VPS13C: variants seen among roughly 807,000 people sequenced by gnomAD.
VPS13C encodes the protein intermembrane lipid transfer protein VPS13C.
Under a neutral mutation model 456.8 loss-of-function variants are expected in VPS13C, and 358 were observed. That is an observed-to-expected ratio of 0.78 (90% CI 0.72 to 0.86). The LOEUF is 0.86. VPS13C is among the 40% of genes least tolerant of loss of function. The pLI is 0.00. For synonymous variants in VPS13C, 1,578 were observed against 1,486.7 expected (o/e 1.06, Z -1.41); for missense variants, 4,818 against 4,385.4 (o/e 1.10, Z -2.79).
chr15:62,022,602 C>A (rs865851322), intron 8 of VPS13C, among the ~76,000 whole-genome samples: 7 of 151,810 alleles, frequency 4.6e-5, no homozygotes, highest in Non-Finnish European at 5.9e-5. Flanking sequence ...TTTTGACAAT[C>A]TACAAATGTG....
rs1180158172 is a variant in VPS13C, at chr15:61,961,648, G to T, written c.3849C>A (p.Tyr1283Ter). Residue 1283 changes from tyrosine (Y) to a stop codon, truncating the protein, a stop_gained, in exon 35 of 85, where the codon TAC (tyrosine) becomes TAA (stop). Coordinates refer to ENST00000644861, the MANE Select transcript of VPS13C (RefSeq NM_020821.3). LOFTEE classifies it high-confidence loss of function. ...TTCTATCAATTACTGGAGGATTTAA[G>T]TAGTCTTCATCAGACACCAGACTGA... ...NQFSLVSDED[Y>*]LNPPVIDRMD... is the part of the protein sequence containing the mutation. The T allele has an allele frequency of 1.9e-6, 3 of 1,613,706 alleles. No individual in the cohort carries two copies. Among genetic ancestry groups the T allele is most frequent in the Non-Finnish European group, 2.5e-6 (3 of 1,179,776 alleles).
rs954584712 is a variant in VPS13C at position 61,962,473 on chromosome 15, C to T, written c.3501G>A (p.Glu1167=). The T allele has an allele frequency of 6.8e-6, 11 of 1,611,806 alleles. No homozygotes were observed. In the African/African-American group the frequency reaches 1.3e-4, roughly 20 times the overall value. ...TGGACATGTCAGTATACAAATCCCC[C>T]TCAGTAGCATCTGGATACAAATCCA... ...FNLDLYPDAT[E]GDLYTDMSKV... is the part of the protein sequence containing the mutation. The change falls in exon 34 of 85, where the codon GAG becomes GAA. Residue 1167 remains glutamate, a synonymous_variant. Transcript: ENST00000644861.
chr15:61,854,463 T>A lies in VPS13C; in HGVS notation c.11256A>T (p.Pro3752=). 6.2e-7 allele frequency: 1 copy of A among 1,614,126 alleles called. No homozygotes were observed. Among genetic ancestry groups the A allele is most frequent in the Non-Finnish European group, 8.5e-7 (1 of 1,179,946 alleles). The change falls in exon 85 of 85, where the codon CCA becomes CCT. Residue 3752 remains proline (P), a synonymous_variant. Transcript: ENST00000644861. ...SSVRLLRPQL[P]S is the part of the protein sequence containing the mutation. ...GAGCCCCTGAGGTCTGTGATTAAGA[T>A]GGCAATTGGGGTCTGAGAAGTCTCA...
intron 50 of VPS13C, 149 bp from the exon 51 acceptor site, chr15:61,929,897 A>T (rs2043998320): frequency 1.3e-6 from 1 of 789,864 alleles, no homozygotes; most frequent in Non-Finnish European, 1.9e-6. Context: ...AATCTAATTT[A>T]TCCATTAGTA....
In VPS13C at chr15:61,964,856, G is replaced by A; in HGVS notation, c.3057C>T (p.Ala1019=). The A allele has an allele frequency of 6.3e-7, 1 of 1,597,914 alleles. No individual in the cohort carries two copies. The highest frequency in any genetic ancestry group is 8.5e-7 in the Non-Finnish European group (1 of 1,174,964). The change falls in exon 31 of 85, where the codon GCC becomes GCT. Residue 1019 remains alanine, a synonymous_variant. Transcript: ENST00000644861. ...GCAGCAACAGATTTAAAGATGAAAA[G>A]GCCACCTAAAAATGTTTTAAAGAGA... is the stretch of plus-strand genomic sequence containing the variant. ...FGKTEQTVKV[A]FSSLNLLLQT... is the part of the protein sequence containing the mutation.
At chr15:61,998,431 T>C (rs936480672) in intron 16 of VPS13C, among the ~76,000 whole-genome samples, 1 of 152,190 alleles carries the variant, frequency 6.6e-6, no homozygotes, top group Non-Finnish European at 1.5e-5. Flanking sequence ...CAAATGATAA[T>C]GACAATGAAA....
At chr15:62,035,825 A>C (rs2047977921) in intron 3 of VPS13C, among the ~76,000 whole-genome samples, 2 of 151,982 alleles carry the variant, frequency 1.3e-5, no homozygotes, top group South Asian at 4.1e-4. Flanking sequence ...CCCACAAAAA[A>C]CTTTCACTCA....
In VPS13C at chr15:61,880,695, C is replaced by T; in HGVS notation, c.9916G>A (p.Ala3306Thr). The T allele has an allele frequency of 5.7e-6, 9 of 1,591,448 alleles. No homozygotes were observed. The highest frequency in any genetic ancestry group is 6.8e-6 in the Non-Finnish European group (8 of 1,171,322). ...GTCTCCATTAATTCTGCATTTAGAGCATCAATATCTTGTTGGATTAACTTT... is the reference window on the plus strand; with the variant it reads ...GTCTCCATTAATTCTGCATTTAGAGTATCAATATCTTGTTGGATTAACTTT... ...RTKLIQQDID[A>T]LNAELMETSM... The change falls in exon 73 of 85, where the codon GCT becomes ACT. Residue 3306 changes from alanine (A) to threonine (T), a missense_variant. Physicochemically the swap from Ala to Thr is moderately conservative, Grantham distance 58. Around this residue, in one of 3 missense-constraint regions of VPS13C, gnomAD observed 4,552 missense variants for 4,130.6 expected, o/e 1.10. Transcript: ENST00000644861.
Position 62,052,693 on chromosome 15 carries a change from A to C in VPS13C, c.100+7582T>G, listed in dbSNP as rs1005976127. Among the ~76,000 whole-genome samples, 342 of 151,402 alleles carry C rather than the reference A, an allele frequency of 2.3e-3. 1 individual carries two copies. Among genetic ancestry groups the C allele is most frequent in the Non-Finnish European group, 4.0e-3 (272 of 67,788 alleles). The stretch of plus-strand genomic sequence containing the variant: ...GTCTCAAAAAAAAAAAAAAAAAAAA[A>C]AGAATACCAAAGAAAATATTATAGC... On this transcript the variant is annotated intron_variant, in intron 1 of 84. Transcript: ENST00000644861.
intron 66 of VPS13C, among the ~76,000 whole-genome samples, chr15:61,900,840 C>T (rs2042975641): frequency 6.6e-6 from 1 of 151,812 alleles, no homozygotes; most frequent in African/African-American, 2.4e-5. Context: ...GGAGGCATCA[C>T]ACTGCCTGAC....
chr15:61,857,032 A>T (rs1893953954), intron 82 of VPS13C, among the ~76,000 whole-genome samples: 1 of 152,114 alleles, frequency 6.6e-6, no homozygotes, highest in Non-Finnish European at 1.5e-5. Context: ...AGAACCCTTA[A>T]AGGGCATCCA....
rs182643101 is a variant in VPS13C at position 62,014,450 on chromosome 15, T to A, written c.685-458A>T. ...AACTTATTTAGCAGCAAGGGCGTTA[T>A]TGAGAAACTTGTTAAGAACTGTTTC... On this transcript the variant is annotated intron_variant, in intron 9 of 84. Coordinates refer to ENST00000644861, the MANE Select transcript of VPS13C (RefSeq NM_020821.3). Among the ~76,000 whole-genome samples, 236 of 152,276 alleles carry A rather than the reference T, an allele frequency of 1.5e-3. 1 individual carries two copies. Among genetic ancestry groups the A allele is most frequent in the African/African-American group, 5.3e-3 (221 of 41,572 alleles).
At chr15:61,940,857 T>C (rs2044396829) in intron 46 of VPS13C, 63 bp from the exon 47 acceptor site, 1 of 1,501,898 alleles carries the variant, frequency 6.7e-7, no homozygotes, top group Non-Finnish European at 9.0e-7. Context: ...AGGACTATCC[T>C]ATTGTGTAAC....
chr15:62,023,711 C>T, intron 7 of VPS13C, 69 bp downstream of exon 7: 2 of 1,412,190 alleles, frequency 1.4e-6, no homozygotes, highest in Non-Finnish European at 9.8e-7. Flanking sequence ...ATTCATTTCA[C>T]ATTCCAAATC....
chr15:61,962,304 C>T, intron 34 of VPS13C, 67 bp downstream of exon 34: 3 of 1,394,968 alleles, frequency 2.2e-6, no homozygotes, highest in Non-Finnish European at 1.9e-6. Context: ...TAACATTTGC[C>T]ATCATAATTA....
chr15:61,964,922 C>T (rs964157404), intron 30 of VPS13C, 61 bp from the exon 31 acceptor site: 59 of 1,473,158 alleles, frequency 4.0e-5, no homozygotes, highest in Non-Finnish European at 4.9e-5. Context: ...GTAGTCTCCA[C>T]GACAGACCCA....
At position 62,005,038 on chromosome 15, in the gene VPS13C, C is replaced by T. The variant is rs1021536353; in HGVS notation, c.1290+2270G>A. 5.3e-5 allele frequency among the ~76,000 whole-genome samples: 8 copies of T among 151,590 alleles called. No individual in the cohort carries two copies. In the East Asian group the frequency reaches 9.7e-4, roughly 18 times the overall value. ...GAGTTCTGTAGATGTCTATTAGGTC[C>T]GCTTGGTGCAGAGCTGAGTTCAATT... On this transcript the variant is annotated intron_variant, in intron 15 of 84. Coordinates refer to ENST00000644861, the MANE Select transcript of VPS13C (RefSeq NM_020821.3).
chr15:62,052,113 T>C (rs1052026651), intron 1 of VPS13C, among the ~76,000 whole-genome samples: 7 of 152,140 alleles, frequency 4.6e-5, no homozygotes, highest in Admixed American at 2.0e-4. Flanking sequence ...AAAACTGTGA[T>C]TAAACACAAA....
intron 46 of VPS13C, 77 bp downstream of exon 46, chr15:61,941,686 A>G: frequency 6.9e-7 from 1 of 1,440,836 alleles, no homozygotes; most frequent in Non-Finnish European, 9.3e-7. Flanking sequence ...AATTACTACA[A>G]CATTTTACCT....
Sources: gnomAD v4.1 joint callset for allele counts (sites outside exome capture counted in the v4.1 genomes callset) on GRCh38, gnomAD v4.1.1 for gene constraint, gnomAD v4.1.1 regional missense constraint, MANE v1.5 for transcripts, NCBI Gene and HGNC (gene_info 2026-07-23, HGNC 2026-07-21) for gene names.